The following ABI3BP variants were observed in gnomAD, a reference collection of about 807,000 sequenced individuals.
ABI3BP encodes the protein ABI family member 3 binding protein, also known as target of Nesh-SH3.
Under a neutral mutation model 268.6 loss-of-function variants are expected in ABI3BP, and 216 were observed. The ratio of observed to expected loss-of-function variants is 0.80; its 90% CI spans 0.72 to 0.90. ABI3BP has a LOEUF of 0.90. Among genes scored for constraint, ABI3BP ranks in the 40% least tolerant of loss-of-function variants. ABI3BP has a pLI of 0.00. For synonymous variants in ABI3BP, 730 were observed against 730.0 expected, an observed-to-expected ratio of 1.00 and a Z score of 0.00; for missense variants, 2,090 against 2,182.4, an observed-to-expected ratio of 0.96 and a Z score of 0.84.
rs1441905884 is a variant in ABI3BP at position 100,919,184 on chromosome 3, TC to T, written c.259+7117del. Among the ~76,000 whole-genome samples the T allele has an allele frequency of 8.5e-5, 13 of 152,348 alleles. No individual in the cohort carries two copies. The South Asian group carries it at 1.4e-3, about 17-fold the overall frequency. On this transcript the variant is annotated intron_variant, in intron 2 of 67. Coordinates refer to ENST00000471714, the MANE Select transcript of ABI3BP (RefSeq NM_001375547.2). ...TTCTTTTTTTCATAAGTTATTTTTT[TC>T]ATCTTCTTTATATTCCCTATATAGT...
At chr3:100,866,356 G>GAAAATGCTT (rs1396055635) in intron 10 of ABI3BP, among the ~76,000 whole-genome samples, 1 of 152,178 alleles carries the variant, frequency 6.6e-6, no homozygotes, top group African/African-American at 2.4e-5. Flanking sequence ...AAACTATGGA[G>GAAAATGCTT]AAAATGCTTA....
chr3:100,963,628 G>A (rs905382181), intron 1 of ABI3BP, among the ~76,000 whole-genome samples: 4 of 152,192 alleles, frequency 2.6e-5, no homozygotes, highest in Non-Finnish European at 5.9e-5. Context: ...TTTCGATGTA[G>A]TTGACCCTCC....
intron 1 of ABI3BP, among the ~76,000 whole-genome samples, chr3:100,949,454 T>C (rs2073988458): frequency 6.6e-6 from 1 of 151,994 alleles, no homozygotes; most frequent in South Asian, 2.1e-4. Flanking sequence ...TTAGTAGAAA[T>C]GGAGTTTCGC....
rs575238130 is a variant in ABI3BP at position 100,759,666 on chromosome 3, A to G, written c.4851-4975T>C. ...AGCAATAGCAAAGAAAAATAAAACT[A>G]TGTGGTTATGTGAGAGGGAATAGTT... On this transcript the variant is annotated intron_variant, in intron 63 of 67. Transcript: ENST00000471714. Among the ~76,000 whole-genome samples, 3 of 152,196 alleles carry G rather than the reference A, an allele frequency of 2.0e-5. No individual in the cohort carries two copies. The South Asian group carries it at 6.2e-4, about 32-fold the overall frequency.
intron 1 of ABI3BP, among the ~76,000 whole-genome samples, chr3:100,975,368 C>T (rs2085618185): frequency 6.6e-6 from 1 of 151,994 alleles, no homozygotes; most frequent in African/African-American, 2.4e-5. Flanking sequence ...AAGTGAGTCA[C>T]TTTAGAAGGG....
intron 14 of ABI3BP, 41 bp downstream of exon 14, chr3:100,862,270 C>A: frequency 7.5e-7 from 1 of 1,338,556 alleles, no homozygotes; most frequent in Non-Finnish European, 1.0e-6. Context: ...ACTCAATATT[C>A]CTTGTTATAA....
intron 63 of ABI3BP, among the ~76,000 whole-genome samples, chr3:100,755,686 T>C (rs929957310): frequency 6.6e-6 from 1 of 152,230 alleles, no homozygotes; most frequent in South Asian, 2.1e-4. Flanking sequence ...AGCAAATCTT[T>C]TAAAGAAATG....
At position 100,789,449 on chromosome 3, in the gene ABI3BP, C is replaced by T. The variant is rs756675794; in HGVS notation, c.4087+5G>A. ...ATTATTTAAGTCATCAGAGAAACAA[C>T]TTACCAGGTCTGATGTGTGGCTTGT... On this transcript the variant is annotated splice_donor_5th_base_variant and intron_variant, in intron 56 of 67. Coordinates refer to ENST00000471714, the MANE Select transcript of ABI3BP (RefSeq NM_001375547.2). 1.9e-6 allele frequency: 3 copies of T among 1,597,330 alleles called. No individual in the cohort carries two copies. The highest frequency in any genetic ancestry group is 2.7e-5 in the African/African-American group (2 of 74,574).
At chr3:100,857,049 C>CG (rs113260437) in intron 14 of ABI3BP, among the ~76,000 whole-genome samples, 53,793 of 151,678 alleles carry the variant, frequency 0.35, 10,086 homozygotes, top group African/African-American at 0.48. Flanking sequence ...TCCCAGGGGG[C>CG]AGCACAACCT....
At chr3:100,848,496 G>A (rs1289807286) in intron 18 of ABI3BP, among the ~76,000 whole-genome samples, 1 of 148,942 alleles carries the variant, frequency 6.7e-6, no homozygotes, top group Non-Finnish European at 1.5e-5. Context: ...CCCTGAGATA[G>A]AGTCTTGCTC....
intron 2 of ABI3BP, among the ~76,000 whole-genome samples, chr3:100,907,015 G>T (rs544443749): frequency 5.9e-5 from 9 of 152,150 alleles, no homozygotes; most frequent in Non-Finnish European, 1.3e-4. Context: ...AAAGGCCCTT[G>T]CTATGTTTAA....
chr3:100,961,906 C>G (rs1181972802), intron 1 of ABI3BP, among the ~76,000 whole-genome samples: 2 of 152,094 alleles, frequency 1.3e-5, no homozygotes, highest in Non-Finnish European at 2.9e-5. Context: ...ATATTCTTGC[C>G]AAACCTCCAA....
intron 1 of ABI3BP, among the ~76,000 whole-genome samples, chr3:100,966,959 A>G (rs1342200063): frequency 1.3e-5 from 2 of 151,912 alleles, no homozygotes; most frequent in African/African-American, 4.8e-5. Flanking sequence ...TTTTCAAACT[A>G]AAGATGACTC....
At chr3:100,930,188 A>G (rs976559141) in intron 1 of ABI3BP, among the ~76,000 whole-genome samples, 6 of 152,012 alleles carry the variant, frequency 3.9e-5, no homozygotes, top group African/African-American at 7.2e-5. Context: ...TACAACATCT[A>G]TAAGTAAAAA....
intron 30 of ABI3BP, 45 bp from the exon 31 acceptor site, chr3:100,832,395 T>C: frequency 6.7e-7 from 1 of 1,491,144 alleles, no homozygotes; most frequent in South Asian, 1.2e-5. Flanking sequence ...GATGGCTCCA[T>C]TCACTGTGAA....
rs767027028 is a variant in ABI3BP, at chr3:100,792,673, G to C, written c.4024+18C>G. 6.2e-7 allele frequency: 1 copy of C among 1,605,710 alleles called. No homozygotes were observed. Among genetic ancestry groups the C allele is most frequent in the Non-Finnish European group, 8.5e-7 (1 of 1,173,356 alleles). On this transcript the variant is annotated intron_variant, in intron 55 of 67. Transcript: ENST00000471714. ...AAATAAGGAAAAGTTATTCTCCAGA[G>C]GTAGGGGAGAGGATTACCCTGAGTT...
At chr3:100,966,275 T>C (rs1037985962) in intron 1 of ABI3BP, among the ~76,000 whole-genome samples, 1 of 152,228 alleles carries the variant, frequency 6.6e-6, no homozygotes, top group Non-Finnish European at 1.5e-5. Flanking sequence ...ATCATCTAGC[T>C]AACAGGGTAA....
At chr3:100,885,612 CATT>C in intron 5 of ABI3BP, 24 bp from the exon 6 acceptor site, 2 of 1,440,584 alleles carry the variant, frequency 1.4e-6, no homozygotes, top group Non-Finnish European at 1.9e-6. Flanking sequence ...GGAAAAATAA[CATT>C]ATTTTTATTC....
chr3:100,842,188 C>T, intron 20 of ABI3BP, 149 bp from the exon 21 acceptor site: 1 of 630,838 alleles, frequency 1.6e-6, no homozygotes, highest in Admixed American at 2.9e-5. Flanking sequence ...CCTTCCACAT[C>T]CTCTCTACAA....
Sources: allele counts gnomAD v4.1 joint callset (sites outside exome capture counted in the v4.1 genomes callset), GRCh38; gene constraint gnomAD v4.1.1; transcripts MANE v1.5; gene names NCBI Gene and HGNC (gene_info 2026-07-23, HGNC 2026-07-21).